The following PTGER3 variants were observed in gnomAD, a reference collection of about 807,000 sequenced individuals.
The protein encoded by PTGER3 is prostaglandin E receptor 3, also known as prostaglandin E2 receptor EP3 subtype.
Under a neutral mutation model 34.7 loss-of-function variants are expected in PTGER3, and 22 were observed. The observed-to-expected ratio is 0.63, with a 90% CI of 0.45 to 0.91. The LOEUF (loss-of-function observed/expected upper bound fraction) is 0.91. Ranked by LOEUF, PTGER3 falls within the 40% of genes least tolerant of loss-of-function variation. The pLI is 0.00. For missense variants in PTGER3, 468 were observed against 519.4 expected, an observed-to-expected ratio of 0.90 and a Z score of 0.96; for synonymous variants, 241 against 230.1, an observed-to-expected ratio of 1.05 and a Z score of -0.43.
At chr1:71,014,331 A>C (rs1168823095) in intron 1 of PTGER3, among the ~76,000 whole-genome samples, 2 of 152,198 alleles carry the variant, frequency 1.3e-5, no homozygotes, top group Non-Finnish European at 2.9e-5. Flanking sequence ...TCAACATTTC[A>C]GAGTCTGTGA....
intron 2 of PTGER3, among the ~76,000 whole-genome samples, chr1:71,003,298 G>T: frequency 6.6e-6 from 1 of 152,274 alleles, no homozygotes; most frequent in Middle Eastern, 3.4e-3. Context: ...GCCTATAGAA[G>T]TATAAATAGA....
In PTGER3 at chr1:70,965,493, A is replaced by G. The variant is rs17090697; in HGVS notation, c.1078-11704T>C. ...TGTAACTTACAGGATGATTAGATAC[A>G]TAGAAAGGAGACTAACTCAATCCTT... On this transcript the variant is annotated intron_variant, in intron 2 of 3. Transcript: ENST00000356595. 2.6e-3 allele frequency among the ~76,000 whole-genome samples: 397 copies of G among 152,328 alleles called. 9 individuals are homozygous for G. In the East Asian group the frequency reaches 0.066, roughly 25 times the overall value.
chr1:71,014,624 C>G (rs947977452), intron 1 of PTGER3, among the ~76,000 whole-genome samples: 2 of 152,110 alleles, frequency 1.3e-5, no homozygotes, highest in African/African-American at 4.8e-5. Context: ...GGGAGAAGAA[C>G]CCACAGGTCT....
chr1:70,919,933 G>A (rs1040741081), intron 4 of PTGER3, among the ~76,000 whole-genome samples: 1 of 152,116 alleles, frequency 6.6e-6, no homozygotes, highest in African/African-American at 2.4e-5. Context: ...CTTACCAAAA[G>A]TATTGAGTTC....
chr1:70,853,009 A>G, intron 4 of PTGER3: 1 of 941,090 alleles, frequency 1.1e-6, no homozygotes, highest in Non-Finnish European at 1.7e-6. Flanking sequence ...AACAAGAACA[A>G]GAACGAAGTT....
intron 2 of PTGER3, among the ~76,000 whole-genome samples, chr1:70,987,124 G>A (rs1056011907): frequency 1.3e-5 from 2 of 152,160 alleles, no homozygotes; most frequent in African/African-American, 4.8e-5. Context: ...GATATCAATG[G>A]CCCTAAACAA....
At chr1:70,947,508 T>C (rs1183177467), downstream of PTGER3, 2 of 152,294 alleles carry the variant, frequency 1.3e-5, no homozygotes, top group Admixed American at 6.6e-5. Flanking sequence ...TTCTTCTCAG[T>C]CTTGATTGGG....
intron 1 of PTGER3, among the ~76,000 whole-genome samples, chr1:71,029,529 T>A (rs1319578808): frequency 6.6e-6 from 1 of 152,196 alleles, no homozygotes; most frequent in African/African-American, 2.4e-5. Context: ...AATAAGCATT[T>A]GTCTATTGTG....
At chr1:70,973,255 AT>A (rs1368321106) in intron 3 of PTGER3, among the ~76,000 whole-genome samples, 1 of 151,788 alleles carries the variant, frequency 6.6e-6, no homozygotes, top group Admixed American at 6.6e-5. Flanking sequence ...AGATAGATAG[AT>A]AGATAGATAG....
intron 1 of PTGER3, among the ~76,000 whole-genome samples, chr1:71,037,800 G>C (rs1488347850): frequency 6.6e-6 from 1 of 152,194 alleles, no homozygotes; most frequent in East Asian, 1.9e-4. Context: ...CCAGTGCCTT[G>C]TTCTCTCTGT....
At chr1:70,880,911 G>A (rs1280437308) in intron 4 of PTGER3, among the ~76,000 whole-genome samples, 1 of 150,930 alleles carries the variant, frequency 6.6e-6, no homozygotes, top group Non-Finnish European at 1.5e-5. Flanking sequence ...ATAGTGTCTT[G>A]TAGGGGTTCT....
chr1:71,039,017 G>A (rs778086413), intron 1 of PTGER3, among the ~76,000 whole-genome samples: 4 of 152,186 alleles, frequency 2.6e-5, no homozygotes, highest in Admixed American at 6.5e-5. Context: ...ACAGGAAGAC[G>A]ACCCTGACTG....
rs887725290 is a variant in PTGER3, at chr1:71,005,936, C to T, written c.1077+6369G>A. 18 of 660,612 alleles carry T rather than the reference C, an allele frequency of 2.7e-5. No homozygotes were observed. In the East Asian group the frequency reaches 6.9e-4, roughly 25 times the overall value. The allele number at this position is 660,612 out of a possible 1,614,324, so 40.9% of individuals were successfully genotyped here. A position where few individuals can be genotyped will look rare whatever the true frequency, so the allele number is the denominator to read the frequency against. ...ATTCGCAGGGCACAGAGCGATGTTT[C>T]GATACATATAATGTATACTGGTCAG... On this transcript the variant is annotated intron_variant, in intron 2 of 3. Coordinates refer to ENST00000306666, the MANE Select transcript of PTGER3 (RefSeq NM_198719.2).
intron 1 of PTGER3, among the ~76,000 whole-genome samples, chr1:71,015,205 TTG>T (rs140322473): frequency 2.6e-5 from 4 of 151,112 alleles, no homozygotes; most frequent in Non-Finnish European, 4.4e-5. Flanking sequence ...AGGCCTACAA[TTG>T]TGTGTGTGTG....
intron 4 of PTGER3, among the ~76,000 whole-genome samples, chr1:70,922,486 T>C (rs1401006838): frequency 1.3e-5 from 2 of 152,182 alleles, no homozygotes; most frequent in Non-Finnish European, 2.9e-5. Flanking sequence ...GCTTTACAGC[T>C]AGGTAAGGCC....
intron 1 of PTGER3, among the ~76,000 whole-genome samples, chr1:71,031,879 C>A (rs889469265): frequency 5.3e-5 from 8 of 152,088 alleles, no homozygotes; most frequent in African/African-American, 1.9e-4. Context: ...TGATCTGTAG[C>A]AAAATTTAAT....
chr1:70,974,198 A>G (rs1653439128), intron 3 of PTGER3, 99 bp downstream of exon 3: 5 of 1,472,146 alleles, frequency 3.4e-6, no homozygotes, highest in Non-Finnish European at 4.5e-6. Context: ...TTTGCATTTT[A>G]ATTCTCAGAG....
At chr1:70,987,730 A>G (rs1163057526) in intron 2 of PTGER3, among the ~76,000 whole-genome samples, 1 of 152,204 alleles carries the variant, frequency 6.6e-6, no homozygotes, top group Non-Finnish European at 1.5e-5. Flanking sequence ...ATATAATCAA[A>G]TTAAATCCCA....
At chr1:70,950,216 A>C (rs1271642354), downstream of PTGER3, among the ~76,000 whole-genome samples, 1 of 152,252 alleles carries the variant, frequency 6.6e-6, no homozygotes, top group Non-Finnish European at 1.5e-5. Flanking sequence ...TAACCAACCA[A>C]GAGGAAAACA....
Sources: allele counts gnomAD v4.1 joint callset (sites outside exome capture counted in the v4.1 genomes callset), GRCh38; gene constraint gnomAD v4.1.1; transcripts MANE v1.5; gene names NCBI Gene and HGNC (gene_info 2026-07-23, HGNC 2026-07-21).